Variants in SLC3A2 observed in about 807,000 individuals in gnomAD.
The protein encoded by SLC3A2 is solute carrier family 3 member 2, also known as amino acid transporter heavy chain SLC3A2.
SLC3A2 carries 32 observed loss-of-function variants against 48.5 expected under a neutral mutation model. The ratio of observed to expected loss-of-function variants is 0.66; its 90% CI spans 0.50 to 0.89. The LOEUF (loss-of-function observed/expected upper bound fraction) is 0.89, where lower values mean the gene tolerates loss of function less well. Ranked by LOEUF, SLC3A2 falls within the 40% of genes least tolerant of loss-of-function variation. The pLI is 0.00. For missense variants in SLC3A2, 587 were observed against 680.7 expected (o/e 0.86, Z 1.53); for synonymous variants, 277 against 288.8 (o/e 0.96, Z 0.41).
chr11:62,888,183 A>G lies in SLC3A2; in HGVS notation c.1192A>G (p.Ile398Val), dbSNP rs527244455. The G allele has an allele frequency of 1.9e-6, 3 of 1,614,102 alleles. No homozygotes were observed. The highest frequency in any genetic ancestry group is 8.5e-7 in the Non-Finnish European group (1 of 1,180,020). Reference sequence around the variant, plus strand: ...GTGGGATGAGTCCAGCTTCCCTGACATCCCAGGGGCTGTAAGTGCCAACAT... The same window carrying G: ...GTGGGATGAGTCCAGCTTCCCTGACGTCCCAGGGGCTGTAAGTGCCAACAT... ...MLWDESSFPD[I>V]PGAVSANMTV... The change falls in exon 8 of 9, where the codon ATC (isoleucine) becomes GTC (valine). Residue 398 changes from isoleucine (I) to valine (V), a missense_variant. This residue lies in a region of SLC3A2 where 169 missense variants were observed against 204.4 expected (regional missense o/e 0.83). Coordinates refer to ENST00000338663, the MANE Select transcript of SLC3A2 (RefSeq NM_001013251.3).
intron 3 of SLC3A2, 38 bp downstream of exon 3, chr11:62,883,037 C>A: frequency 6.3e-7 from 1 of 1,578,154 alleles, no homozygotes; most frequent in Non-Finnish European, 8.7e-7. Context: ...AAGTCAGATG[C>A]TGGGGCTGGG....
At chr11:62,859,576 C>T (rs1489931784) in intron 1 of SLC3A2, among the ~76,000 whole-genome samples, 1 of 151,960 alleles carries the variant, frequency 6.6e-6, no homozygotes, top group Admixed American at 6.6e-5. Flanking sequence ...GATTGTAATC[C>T]TAGCTACTTA....
At chr11:62,874,774 T>C (rs981654925) in intron 1 of SLC3A2, among the ~76,000 whole-genome samples, 12 of 146,104 alleles carry the variant, frequency 8.2e-5, no homozygotes, top group Non-Finnish European at 1.8e-4. Flanking sequence ...TTCTTTTTCT[T>C]TTTTTTTTTT....
At chr11:62,884,323 A>G in intron 3 of SLC3A2, 134 bp from the exon 4 acceptor site, 1 of 862,728 alleles carries the variant, frequency 1.2e-6, no homozygotes, top group Admixed American at 2.1e-5. Flanking sequence ...CAGGTGGGGA[A>G]GACCCAGGCA....
chr11:62,856,742 T>G (rs952139188), intron 1 of SLC3A2, among the ~76,000 whole-genome samples: 1 of 152,196 alleles, frequency 6.6e-6, no homozygotes, highest in Non-Finnish European at 1.5e-5. Flanking sequence ...TATAGACTGT[T>G]TTACTGAGAC....
rs1234533294 is a variant in SLC3A2 at position 62,884,696 on chromosome 11, T to TGCAG, written c.818+8_818+11dup. On this transcript the variant is annotated splice_region_variant and intron_variant, in intron 5 of 8. Coordinates refer to ENST00000338663, the MANE Select transcript of SLC3A2 (RefSeq NM_001013251.3). ...AAGGGCTTCAGTGAAGACAGGTGGG[T>TGCAG]GCAGGAGCCATTCTGCTGACTCAGC... is the stretch of plus-strand genomic sequence containing the variant. 1.3e-6 allele frequency: 2 copies of TGCAG among 1,589,666 alleles called. No homozygotes were observed. Among genetic ancestry groups the TGCAG allele is most frequent in the Admixed American group, 3.5e-5 (2 of 57,746 alleles).
At chr11:62,865,492 G>A (rs1211395702) in intron 1 of SLC3A2, among the ~76,000 whole-genome samples, 1 of 145,430 alleles carries the variant, frequency 6.9e-6, no homozygotes, top group Non-Finnish European at 1.5e-5. Flanking sequence ...GGTGGAGGAT[G>A]TTGCAGTGAG....
upstream of SLC3A2, among the ~76,000 whole-genome samples, chr11:62,877,087 G>T (rs2085578708): frequency 7.4e-6 from 1 of 134,462 alleles, no homozygotes; most frequent in Non-Finnish European, 1.6e-5. Flanking sequence ...TTGAGAGATA[G>T]TCTTGCTGTG....
chr11:62,863,483 A>G (rs2085422665), intron 1 of SLC3A2, among the ~76,000 whole-genome samples: 1 of 152,192 alleles, frequency 6.6e-6, no homozygotes. Flanking sequence ...GGAAACAGGC[A>G]TGAGCCACTA....
intron 1 of SLC3A2, among the ~76,000 whole-genome samples, chr11:62,859,504 A>T (rs964352004): frequency 6.6e-6 from 1 of 152,148 alleles, no homozygotes; most frequent in Non-Finnish European, 1.5e-5. Context: ...CAACATGGTG[A>T]AAACCCTTCT....
At chr11:62,871,110 C>A (rs2085511205) in intron 1 of SLC3A2, among the ~76,000 whole-genome samples, 1 of 151,064 alleles carries the variant, frequency 6.6e-6, no homozygotes, top group African/African-American at 2.4e-5. Context: ...TCTTAAACTC[C>A]TGACCTTGTG....
intron 5 of SLC3A2, 93 bp from the exon 6 acceptor site, chr11:62,885,084 G>C: frequency 7.2e-7 from 1 of 1,383,274 alleles, no homozygotes; most frequent in East Asian, 2.3e-5. Flanking sequence ...ACCCGCCTCA[G>C]CCTCCCAAAG....
At chr11:62,861,373 C>A (rs1305401771) in intron 1 of SLC3A2, among the ~76,000 whole-genome samples, 1 of 152,136 alleles carries the variant, frequency 6.6e-6, no homozygotes, top group Non-Finnish European at 1.5e-5. Flanking sequence ...TGCACACAAG[C>A]AATCCTCTGG....
At chr11:62,880,823 A>T, upstream of SLC3A2, 1 of 1,180,098 alleles carries the variant, frequency 8.5e-7, no homozygotes. Flanking sequence ...GCAGTCCCCG[A>T]GGTTCCACCT....
At chr11:62,859,290 C>T (rs187513522) in intron 1 of SLC3A2, among the ~76,000 whole-genome samples, 2,322 of 152,204 alleles carry the variant, frequency 0.015, 50 homozygotes, top group African/African-American at 0.053. Flanking sequence ...CATCTCGCAC[C>T]GCCCTTAATC....
At chr11:62,869,972 G>A (rs1017788348) in intron 1 of SLC3A2, among the ~76,000 whole-genome samples, 2 of 151,136 alleles carry the variant, frequency 1.3e-5, no homozygotes, top group Admixed American at 6.6e-5. Context: ...TAGTAGAGAC[G>A]GGGTTTCCCC....
chr11:62,887,178 G>A (rs571981232), intron 7 of SLC3A2, among the ~76,000 whole-genome samples: 21 of 152,106 alleles, frequency 1.4e-4, no homozygotes, highest in Non-Finnish European at 2.6e-4. Context: ...TAAATAAAAC[G>A]CCAGCTGCTG....
intron 1 of SLC3A2, among the ~76,000 whole-genome samples, chr11:62,873,969 A>ATTTTTTT (rs573491653): frequency 2.6e-5 from 1 of 38,866 alleles, no homozygotes. Flanking sequence ...TGCCCAGCTA[A>ATTTTTTT]TTTTTTTTTT....
intron 1 of SLC3A2, among the ~76,000 whole-genome samples, chr11:62,875,425 G>GGAGCT (rs2085561084): frequency 6.6e-6 from 1 of 152,116 alleles, no homozygotes; most frequent in East Asian, 1.9e-4. Flanking sequence ...CGTGGTGGTG[G>GGAGCT]GCACCTGGAG....
Sources: gnomAD v4.1 joint callset for allele counts (sites outside exome capture counted in the v4.1 genomes callset) on GRCh38, gnomAD v4.1.1 for gene constraint, gnomAD v4.1.1 regional missense constraint, MANE v1.5 for transcripts, NCBI Gene and HGNC (gene_info 2026-07-23, HGNC 2026-07-21) for gene names.